The following EFCAB13 variants were observed in gnomAD, a reference collection of about 807,000 sequenced individuals.
The protein encoded by EFCAB13 is EF-hand calcium-binding domain-containing protein 13.
A neutral mutation model predicts 110.2 loss-of-function variants in EFCAB13; 91 were observed. The observed-to-expected ratio is 0.83, with a 90% CI of 0.70 to 0.98. EFCAB13 has a LOEUF of 0.98. Among genes scored for constraint, EFCAB13 ranks in the 50% least tolerant of loss-of-function variants. The pLI, the probability that EFCAB13 is intolerant of heterozygous loss-of-function variation, is 0.00. For synonymous variants in EFCAB13, 323 were observed against 369.9 expected, an observed-to-expected ratio of 0.87 and a Z score of 1.45; for missense variants, 968 against 1,119.4, an observed-to-expected ratio of 0.86 and a Z score of 1.93.
chr17:47,403,774 T>A (rs2065790584), intron 18 of EFCAB13, 104 bp from the exon 19 acceptor site: 6 of 979,974 alleles, frequency 6.1e-6, no homozygotes, highest in Non-Finnish European at 8.3e-6. Context: ...TGAGATTTCT[T>A]ATTCCTCAGT....
At chr17:47,406,720 G>A (rs565389027) in intron 20 of EFCAB13, among the ~76,000 whole-genome samples, 1 of 152,104 alleles carries the variant, frequency 6.6e-6, no homozygotes, top group South Asian at 2.1e-4. Context: ...CACATATTTG[G>A]TGGAAATTTC....
intron 18 of EFCAB13, among the ~76,000 whole-genome samples, chr17:47,402,494 C>T (rs909221671): frequency 1.3e-5 from 2 of 152,190 alleles, no homozygotes; most frequent in Admixed American, 6.5e-5. Flanking sequence ...AGTTCTATGC[C>T]TTCTTTCAGT....
At chr17:47,403,740 T>C (rs748538434) in intron 18 of EFCAB13, 138 bp from the exon 19 acceptor site, 171 of 665,896 alleles carry the variant, frequency 2.6e-4, no homozygotes, top group Non-Finnish European at 3.5e-4. Context: ...GGCCATAGAA[T>C]TCTATGAGGG....
intron 9 of EFCAB13, among the ~76,000 whole-genome samples, chr17:47,351,294 T>TGC (rs1200592845): frequency 7.5e-6 from 1 of 133,984 alleles, no homozygotes; most frequent in Non-Finnish European, 1.6e-5. Flanking sequence ...TGTGTGTGTG[T>TGC]GTGTGTGTGT....
chr17:47,424,880 T>A, intron 23 of EFCAB13, among the ~76,000 whole-genome samples: 1 of 47,058 alleles, frequency 2.1e-5, no homozygotes, highest in African/African-American at 1.8e-4. Flanking sequence ...CAATCTTTTT[T>A]TTTTTTTTTT....
intron 24 of EFCAB13, chr17:47,430,682 A>G (rs1245023479): frequency 3.3e-5 from 5 of 152,114 alleles, no homozygotes; most frequent in African/African-American, 1.2e-4. Flanking sequence ...AAATGTATTG[A>G]ATAAAGTTGT....
intron 23 of EFCAB13, among the ~76,000 whole-genome samples, chr17:47,424,697 G>T (rs1262907545): frequency 6.6e-6 from 1 of 151,790 alleles, no homozygotes; most frequent in Non-Finnish European, 1.5e-5. Flanking sequence ...TATAAGTCAT[G>T]ATGTGAATCT....
At chr17:47,349,239 C>A (rs1305160419) in intron 9 of EFCAB13, among the ~76,000 whole-genome samples, 1 of 152,164 alleles carries the variant, frequency 6.6e-6, no homozygotes, top group Non-Finnish European at 1.5e-5. Flanking sequence ...TATTTCTGCT[C>A]AGATGACATT....
chr17:47,386,874 G>A (rs1229327172), intron 14 of EFCAB13, among the ~76,000 whole-genome samples: 1 of 151,934 alleles, frequency 6.6e-6, no homozygotes, highest in African/African-American at 2.4e-5. Context: ...GGGGGAGGGA[G>A]CCCTCCCACC....
intron 4 of EFCAB13, among the ~76,000 whole-genome samples, chr17:47,332,477 A>G (rs1456492994): frequency 1.3e-5 from 2 of 152,110 alleles, no homozygotes; most frequent in Non-Finnish European, 2.9e-5. Context: ...TCACCAATGC[A>G]TTAGATCACT....
At chr17:47,428,127 CTA>C (rs112959227) in intron 23 of EFCAB13, among the ~76,000 whole-genome samples, 3,427 of 151,912 alleles carry the variant, frequency 0.023, 106 homozygotes, top group East Asian at 0.18. Context: ...CAAACATTGA[CTA>C]TGATTTTTGA....
chr17:47,414,805 T>C (rs370426255), intron 22 of EFCAB13, 43 bp from the exon 23 acceptor site: 15 of 1,275,900 alleles, frequency 1.2e-5, no homozygotes, highest in Non-Finnish European at 1.7e-5. Flanking sequence ...GCCAATTCAG[T>C]ATCAGGTTTT....
Position 47,404,664 on chromosome 17 carries a change from G to A in EFCAB13, c.2233+31G>A, listed in dbSNP as rs1484338497. 2.6e-6 allele frequency: 4 copies of A among 1,514,618 alleles called. No individual in the cohort carries two copies. The East Asian group carries it at 9.1e-5, about 34-fold the overall frequency. The allele number at this position is 1,514,618 out of a possible 1,614,324, so 93.8% of individuals were successfully genotyped here. On this transcript the variant is annotated intron_variant, in intron 20 of 24. Transcript: ENST00000331493. Reference sequence around the variant, plus strand: ...AGCTTTATGGTAATACTGTTAGAAGGCAATGATACAGAACTTATTCAAAGT... The same window carrying A: ...AGCTTTATGGTAATACTGTTAGAAGACAATGATACAGAACTTATTCAAAGT...
chr17:47,364,280 C>T (rs1403339889), intron 10 of EFCAB13, among the ~76,000 whole-genome samples: 2 of 152,104 alleles, frequency 1.3e-5, no homozygotes, highest in African/African-American at 2.4e-5. Context: ...AAACTTTTCT[C>T]CTTTTTTCTA....
chr17:47,360,070 G>T (rs967554744), intron 9 of EFCAB13, among the ~76,000 whole-genome samples: 1 of 151,948 alleles, frequency 6.6e-6, no homozygotes, highest in African/African-American at 2.4e-5. Context: ...ATTGTGAATA[G>T]TGCCGCAATA....
intron 14 of EFCAB13, among the ~76,000 whole-genome samples, chr17:47,383,922 C>G (rs2065660750): frequency 6.6e-6 from 1 of 152,106 alleles, no homozygotes; most frequent in African/African-American, 2.4e-5. Flanking sequence ...GAGCTGTCGA[C>G]TATTGATAGT....
chr17:47,401,176 C>T (rs1028960151), intron 17 of EFCAB13, among the ~76,000 whole-genome samples: 7 of 152,204 alleles, frequency 4.6e-5, no homozygotes, highest in Admixed American at 4.6e-4. Context: ...CAATTTAAAG[C>T]TAAGGTAGAT....
At chr17:47,383,962 G>A (rs983942794) in intron 14 of EFCAB13, among the ~76,000 whole-genome samples, 3 of 152,170 alleles carry the variant, frequency 2.0e-5, no homozygotes, top group Non-Finnish European at 4.4e-5. Context: ...CTTTCATTGT[G>A]TGGGAGTCTA....
chr17:47,390,237 T>C (rs191717432), intron 14 of EFCAB13, among the ~76,000 whole-genome samples: 6,640 of 149,780 alleles, frequency 0.044, 206 homozygotes, highest in Non-Finnish European at 0.07. Context: ...ATAAAACTTA[T>C]TGAGAGAGGG....
Sources: gnomAD v4.1 joint callset for allele counts (sites outside exome capture counted in the v4.1 genomes callset) on GRCh38, gnomAD v4.1.1 for gene constraint, MANE v1.5 for transcripts, NCBI Gene and HGNC (gene_info 2026-07-23, HGNC 2026-07-21) for gene names.